PTPRD: variants seen among roughly 807,000 people sequenced by gnomAD.
The protein encoded by PTPRD is protein tyrosine phosphatase receptor type D.
In PTPRD, 34 loss-of-function variants were observed where a neutral mutation model predicts 214.5. The observed-to-expected ratio is 0.16, with a 90% confidence interval of 0.12 to 0.21. The LOEUF (loss-of-function observed/expected upper bound fraction) is 0.21. Among genes scored for constraint, PTPRD ranks in the 10% least tolerant of loss-of-function variants. PTPRD has a pLI of 1.00. For synonymous variants in PTPRD, 1,128 were observed against 845.7 expected (o/e 1.33, Z -5.79); for missense variants, 2,545 against 2,398.7 (o/e 1.06, Z -1.27).
At chr9:9,617,640 C>G (rs2094958109) in intron 7 of PTPRD, among the ~76,000 whole-genome samples, 1 of 151,978 alleles carries the variant, frequency 6.6e-6, no homozygotes, top group Admixed American at 6.6e-5. Context: ...TGGGAATACA[C>G]TAAGGATTTC....
intron 9 of PTPRD, among the ~76,000 whole-genome samples, chr9:9,278,026 A>C (rs773504136): frequency 6.6e-6 from 1 of 151,440 alleles, no homozygotes; most frequent in Non-Finnish European, 1.5e-5. Context: ...CTTTCACTAA[A>C]GTGTTAATAA....
intron 9 of PTPRD, among the ~76,000 whole-genome samples, chr9:9,220,831 T>A (rs1178994759): frequency 6.6e-6 from 1 of 152,140 alleles, no homozygotes; most frequent in African/African-American, 2.4e-5. Context: ...ATAATCCTTA[T>A]AGTCATGCAA....
At chr9:10,003,701 C>A (rs1160118969) in intron 4 of PTPRD, among the ~76,000 whole-genome samples, 1 of 151,450 alleles carries the variant, frequency 6.6e-6, no homozygotes, top group Non-Finnish European at 1.5e-5. Flanking sequence ...AACAATAAAA[C>A]AATTTAATGA....
intron 22 of PTPRD, among the ~76,000 whole-genome samples, chr9:8,505,624 C>CAAAAACA (rs2097528339): frequency 3.6e-5 from 2 of 55,742 alleles, no homozygotes; most frequent in Non-Finnish European, 6.7e-5. Context: ...GACTCTGTCT[C>CAAAAACA]AAAAAAAAAA....
intron 11 of PTPRD, among the ~76,000 whole-genome samples, chr9:8,925,168 C>T (rs958868382): frequency 1.3e-5 from 2 of 152,052 alleles, no homozygotes; most frequent in Non-Finnish European, 1.5e-5. Flanking sequence ...TACTCCCTGA[C>T]TCTAATTACT....
rs567238584 is a variant in PTPRD at position 9,218,813 on chromosome 9, C to T, written c.-202-35450G>A. ...ATGAATGCCCGGCCCTCACAGCTGA[C>T]GAGGTAAAAAACACTACCAGACAAT... On this transcript the variant is annotated intron_variant, in intron 9 of 45. Coordinates refer to ENST00000381196, the MANE Select transcript of PTPRD (RefSeq NM_002839.4). Among the ~76,000 whole-genome samples, 15 of 152,184 alleles carry T rather than the reference C, an allele frequency of 9.9e-5. No individual in the cohort carries two copies. In the South Asian group the frequency reaches 2.9e-3, roughly 29 times the overall value.
chr9:10,124,988 T>A (rs2098804870), intron 3 of PTPRD, among the ~76,000 whole-genome samples: 1 of 152,202 alleles, frequency 6.6e-6, no homozygotes, highest in Admixed American at 6.5e-5. Context: ...TGAAGCCACA[T>A]AGCTCATGAC....
chr9:10,103,579 G>A (rs895917902), intron 3 of PTPRD, among the ~76,000 whole-genome samples: 1 of 151,092 alleles, frequency 6.6e-6, no homozygotes, highest in African/African-American at 2.4e-5. Flanking sequence ...GCCCTTTGTG[G>A]TTTTATGGTT....
Position 10,312,378 on chromosome 9 carries a change from T to C in PTPRD, c.-545+28585A>G, listed in dbSNP as rs1400523503. Among the ~76,000 whole-genome samples, 7 of 151,978 alleles carry C rather than the reference T, an allele frequency of 4.6e-5. 1 individual carries two copies. The highest frequency in any genetic ancestry group is 2.0e-4 in the Admixed American group (3 of 15,204). ...TAAGCACATACACAATTAAATAGTA[T>C]TTTAGTACTGTAGGAATATGGAAGT... On this transcript the variant is annotated intron_variant, in intron 3 of 45. Coordinates refer to ENST00000381196, the MANE Select transcript of PTPRD (RefSeq NM_002839.4).
At chr9:8,715,178 G>A (rs2098417901) in intron 12 of PTPRD, among the ~76,000 whole-genome samples, 1 of 151,976 alleles carries the variant, frequency 6.6e-6, no homozygotes, top group Non-Finnish European at 1.5e-5. Flanking sequence ...AAATTAGAAG[G>A]TGTCATCAAC....
intron 9 of PTPRD, among the ~76,000 whole-genome samples, chr9:9,263,397 C>G (rs944248235): frequency 1.3e-5 from 2 of 151,762 alleles, no homozygotes; most frequent in South Asian, 4.1e-4. Context: ...AACTGAATGA[C>G]TATAAATGAA....
chr9:9,175,322 G>T (rs990799871), intron 10 of PTPRD, among the ~76,000 whole-genome samples: 1 of 152,034 alleles, frequency 6.6e-6, no homozygotes, highest in South Asian at 2.1e-4. Flanking sequence ...TCGTACAAAA[G>T]ATAGTTTTAA....
At chr9:10,248,533 A>AAAAAAAAAAAAAAAAAAAC (rs60272481) in intron 3 of PTPRD, among the ~76,000 whole-genome samples, 8 of 127,436 alleles carry the variant, frequency 6.3e-5, no homozygotes, top group African/African-American at 2.0e-4. Context: ...AAAATAAAAA[A>AAAAAAAAAAAAAAAAAAAC]AATAAAGCGA....
At chr9:10,262,177 G>T (rs2093740314) in intron 3 of PTPRD, among the ~76,000 whole-genome samples, 2 of 151,506 alleles carry the variant, frequency 1.3e-5, no homozygotes, top group South Asian at 2.1e-4. Flanking sequence ...GAAATTAAAA[G>T]AAAAATTAAA....
intron 14 of PTPRD, among the ~76,000 whole-genome samples, chr9:8,607,779 G>T (rs1341890292): frequency 6.6e-6 from 1 of 152,174 alleles, no homozygotes; most frequent in Non-Finnish European, 1.5e-5. Flanking sequence ...TCATAGAATA[G>T]TCACTTAATA....
At chr9:9,021,197 G>A (rs1000213275) in intron 10 of PTPRD, among the ~76,000 whole-genome samples, 1 of 152,050 alleles carries the variant, frequency 6.6e-6, no homozygotes, top group African/African-American at 2.4e-5. Flanking sequence ...TAGAAATGAA[G>A]TACAGTTATG....
At chr9:9,593,890 A>G (rs899006955) in intron 7 of PTPRD, among the ~76,000 whole-genome samples, 7 of 152,066 alleles carry the variant, frequency 4.6e-5, no homozygotes, top group Admixed American at 1.3e-4. Flanking sequence ...TTACTTCAGT[A>G]ACTTTTGTTA....
chr9:9,176,964 C>G (rs961712306), intron 10 of PTPRD, among the ~76,000 whole-genome samples: 5 of 152,148 alleles, frequency 3.3e-5, no homozygotes, highest in African/African-American at 1.2e-4. Context: ...GAGTATCTAT[C>G]TATCTATCTT....
At position 8,906,498 on chromosome 9, in the gene PTPRD, T is replaced by G. The variant is rs186322864; in HGVS notation, c.-104+112199A>C. On this transcript the variant is annotated intron_variant, in intron 11 of 45. Transcript: ENST00000381196. Reference sequence around the variant, plus strand: ...CTCAAGAGGTGATCAAAGAAGTAAATGAGATAATGCTATGATACACTGACG... The same window carrying G: ...CTCAAGAGGTGATCAAAGAAGTAAAGGAGATAATGCTATGATACACTGACG... Among the ~76,000 whole-genome samples the G allele has an allele frequency of 2.0e-5, 3 of 152,228 alleles. No homozygotes were observed. The East Asian group carries it at 5.8e-4, about 29-fold the overall frequency.
Sources: gnomAD v4.1 joint callset for allele counts (sites outside exome capture counted in the v4.1 genomes callset) on GRCh38, gnomAD v4.1.1 for gene constraint, MANE v1.5 for transcripts, NCBI Gene and HGNC (gene_info 2026-07-23, HGNC 2026-07-21) for gene names.